ARMC9: variants seen among roughly 807,000 people sequenced by gnomAD.
The protein encoded by ARMC9 is lisH domain-containing protein ARMC9.
A neutral mutation model predicts 107.0 loss-of-function variants in ARMC9; 94 were observed. The ratio of observed to expected loss-of-function variants is 0.88; its 90% CI spans 0.74 to 1.04. The LOEUF (loss-of-function observed/expected upper bound fraction) is 1.04, where lower values mean the gene tolerates loss of function less well. Among genes scored for constraint, ARMC9 ranks in the 50% least tolerant of loss-of-function variants. The probability of loss-of-function intolerance (pLI) is 0.00; values close to 1 mark genes in which losing one functional copy is unlikely to be tolerated. For missense variants in ARMC9, 942 were observed against 1,030.1 expected (o/e 0.91, Z 1.17); for synonymous variants, 380 against 396.9 (o/e 0.96, Z 0.51).
intron 19 of ARMC9, among the ~76,000 whole-genome samples, chr2:231,317,408 C>T (rs1444318762): frequency 6.6e-6 from 1 of 152,124 alleles, no homozygotes; most frequent in Non-Finnish European, 1.5e-5. Flanking sequence ...CGACCTGAGG[C>T]AATCCTCCTG....
chr2:231,287,937 C>T (rs905504512), intron 17 of ARMC9, among the ~76,000 whole-genome samples: 2 of 152,066 alleles, frequency 1.3e-5, no homozygotes, highest in South Asian at 4.2e-4. Context: ...GAACAGAGGC[C>T]GGAAGGTAGA....
chr2:231,355,890 G>A lies in ARMC9; in HGVS notation c.2087G>A (p.Arg696Lys). Residue 696 changes from arginine (R) to lysine (K), a missense_variant, in exon 22 of 25, where the codon AGG becomes AAG. Coordinates refer to ENST00000611582, the MANE Select transcript of ARMC9 (RefSeq NM_001352754.2). ...CCAGCCGCTCACGAGGCTGTCTACAGGGAGGGCAAGCCCAGCACCCCGGAG... is the reference window on the plus strand; with the variant it reads ...CCAGCCGCTCACGAGGCTGTCTACAAGGAGGGCAAGCCCAGCACCCCGGAG... Reference protein sequence around the residue: ...ALPAAHEAVYREGKPSTPESC... With the variant: ...ALPAAHEAVYKEGKPSTPESC... 1 of 1,536,164 alleles carries A rather than the reference G, an allele frequency of 6.5e-7. No homozygotes were observed. The highest frequency in any genetic ancestry group is 8.7e-7 in the Non-Finnish European group (1 of 1,146,916).
At chr2:231,323,523 C>G (rs901090576) in intron 19 of ARMC9, among the ~76,000 whole-genome samples, 1 of 152,140 alleles carries the variant, frequency 6.6e-6, no homozygotes, top group East Asian at 1.9e-4. Flanking sequence ...CCTCAACTAG[C>G]GCAGCTCAGT....
intron 21 of ARMC9, among the ~76,000 whole-genome samples, chr2:231,345,935 T>C (rs2044793133): frequency 6.6e-6 from 1 of 152,198 alleles, no homozygotes; most frequent in Non-Finnish European, 1.5e-5. Flanking sequence ...AACTCAGAAA[T>C]GCCTGCCCTC....
At chr2:231,233,656 AT>A (rs748268171) in intron 7 of ARMC9, among the ~76,000 whole-genome samples, 38 of 152,172 alleles carry the variant, frequency 2.5e-4, no homozygotes, top group Non-Finnish European at 4.6e-4. Context: ...CATGCCTGTA[AT>A]CCCAGCTACT....
chr2:231,255,489 G>T lies in ARMC9; in HGVS notation c.880-1097G>T, dbSNP rs1490549159. Among the ~76,000 whole-genome samples the T allele has an allele frequency of 1.3e-5, 2 of 152,094 alleles. No individual in the cohort carries two copies. Among genetic ancestry groups the T allele is most frequent in the African/African-American group, 4.8e-5 (2 of 41,426 alleles). On this transcript the variant is annotated intron_variant, in intron 9 of 24. Transcript: ENST00000611582. This position sits in a 1 kb window ranked among gnomAD's most constrained non-coding sequence, Gnocchi z 4.7. ...AGTTTGAAATGCCCCTGGGAGTTTG[G>T]TCAGGGAGAACCCATCGTTTTCCAT... is the stretch of plus-strand genomic sequence containing the variant.
intron 19 of ARMC9, among the ~76,000 whole-genome samples, chr2:231,313,468 GT>G (rs2042470572): frequency 6.6e-6 from 1 of 152,084 alleles, no homozygotes; most frequent in South Asian, 2.1e-4. Flanking sequence ...ATTTTTGACA[GT>G]TTTATTGAGG....
At chr2:231,204,739 G>A (rs148484675) in intron 1 of ARMC9, among the ~76,000 whole-genome samples, 18 of 152,194 alleles carry the variant, frequency 1.2e-4, no homozygotes, top group Non-Finnish European at 1.8e-4. Context: ...CAGTTAGGCA[G>A]AGACCTGAAT....
intron 19 of ARMC9, among the ~76,000 whole-genome samples, chr2:231,300,656 CTG>C (rs1272381074): frequency 6.6e-6 from 1 of 152,226 alleles, no homozygotes; most frequent in Non-Finnish European, 1.5e-5. Context: ...TAATAAGTAA[CTG>C]TGATGGGGCT....
chr2:231,264,424 C>T (rs1426208778), intron 12 of ARMC9, among the ~76,000 whole-genome samples: 1 of 152,126 alleles, frequency 6.6e-6, no homozygotes, highest in Non-Finnish European at 1.5e-5. Context: ...AATGATCCAC[C>T]TACCTCAGCC....
chr2:231,237,771 ATATATATATATTTTTTTTTTTTTTT>A (rs2035873488), intron 8 of ARMC9, among the ~76,000 whole-genome samples: 2 of 41,472 alleles, frequency 4.8e-5, no homozygotes, highest in Non-Finnish European at 9.9e-5. Flanking sequence ...ATATATATAT[ATATATATATATTTTTTTTTTTTTTT>A]TTTTTTTTTT....
rs1176068114 is a variant in ARMC9 at position 231,214,957 on chromosome 2, A to G, written c.304A>G (p.Ile102Val). ...CCAGAAGCTGGAATTCTATCTCCAC[A>G]TCCATTTTGCCATCTATCTTTTGAA... ...FAQKLEFYLH[I>V]HFAIYLLKYS... Residue 102 changes from isoleucine (I) to valine (V), a missense_variant, in exon 4 of 25, where the codon ATC becomes GTC. Coordinates refer to ENST00000611582, the MANE Select transcript of ARMC9 (RefSeq NM_001352754.2). The G allele has an allele frequency of 1.2e-6, 2 of 1,614,160 alleles. No homozygotes were observed. Among genetic ancestry groups the G allele is most frequent in the East Asian group, 2.2e-5 (1 of 44,884 alleles).
intron 17 of ARMC9, chr2:231,288,794 C>T: frequency 2.2e-6 from 1 of 461,752 alleles, no homozygotes; most frequent in South Asian, 1.6e-5. Context: ...GAGCCCTCTG[C>T]ACCTGTGCTG....
chr2:231,277,444 T>G (rs2039856568), intron 15 of ARMC9, among the ~76,000 whole-genome samples: 1 of 152,170 alleles, frequency 6.6e-6, no homozygotes, highest in African/African-American at 2.4e-5. Context: ...GGAGGACTTG[T>G]TGGAGCATCT....
chr2:231,247,725 G>A (rs948197862), intron 9 of ARMC9, among the ~76,000 whole-genome samples: 6 of 152,190 alleles, frequency 3.9e-5, no homozygotes, highest in Non-Finnish European at 8.8e-5. Context: ...GAGGTCAGGA[G>A]TTTGAGACCA....
At chr2:231,288,153 A>G (rs1341781841) in intron 17 of ARMC9, among the ~76,000 whole-genome samples, 1 of 152,240 alleles carries the variant, frequency 6.6e-6, no homozygotes, top group Admixed American at 6.5e-5. Flanking sequence ...TGCAGTAAGC[A>G]TTGAGATGTT....
intron 19 of ARMC9, among the ~76,000 whole-genome samples, chr2:231,326,568 A>C (rs1250361650): frequency 6.6e-6 from 1 of 152,156 alleles, no homozygotes; most frequent in Non-Finnish European, 1.5e-5. Context: ...AGCCCATCCC[A>C]AGGTGACACC....
chr2:231,261,269 G>C (rs552360236), intron 11 of ARMC9, among the ~76,000 whole-genome samples: 2 of 152,110 alleles, frequency 1.3e-5, no homozygotes, highest in African/African-American at 4.8e-5. Context: ...ATGTGCACAC[G>C]CACATACCCG....
intron 19 of ARMC9, among the ~76,000 whole-genome samples, chr2:231,296,623 G>A (rs1049650513): frequency 2.6e-5 from 4 of 152,204 alleles, no homozygotes; most frequent in South Asian, 2.1e-4. Flanking sequence ...GCGTGTAGGC[G>A]CCTGGCGAGA....
Sources: gnomAD v4.1 joint callset for allele counts (sites outside exome capture counted in the v4.1 genomes callset) on GRCh38, gnomAD v4.1.1 for gene constraint, Gnocchi (gnomAD v3.1) non-coding constraint, MANE v1.5 for transcripts, NCBI Gene and HGNC (gene_info 2026-07-23, HGNC 2026-07-21) for gene names.